The following BANK1 variants were observed in gnomAD, a reference collection of about 807,000 sequenced individuals.
The protein encoded by BANK1 is B cell scaffold protein with ankyrin repeats 1.
A neutral mutation model predicts 94.5 loss-of-function variants in BANK1; 95 were observed. The ratio of observed to expected loss-of-function variants is 1.00; its 90% CI spans 0.85 to 1.19. The LOEUF (loss-of-function observed/expected upper bound fraction) is 1.19, where lower values mean the gene tolerates loss of function less well. Ranked by LOEUF, BANK1 falls within the 50% of genes most tolerant of loss-of-function variation. The pLI is 0.00. For missense variants in BANK1, 987 were observed against 932.2 expected, an observed-to-expected ratio of 1.06 and a Z score of -0.77; for synonymous variants, 334 against 308.4, an observed-to-expected ratio of 1.08 and a Z score of -0.87.
intron 3 of BANK1, among the ~76,000 whole-genome samples, chr4:101,862,162 T>G (rs905346371): frequency 4.6e-5 from 7 of 152,152 alleles, no homozygotes; most frequent in Admixed American, 2.0e-4. Flanking sequence ...ATGATTTGGT[T>G]AACAGCTGAA....
At chr4:101,863,731 T>G (rs2148878125) in intron 4 of BANK1, among the ~76,000 whole-genome samples, 1 of 152,260 alleles carries the variant, frequency 6.6e-6, no homozygotes, top group African/African-American at 2.4e-5. Flanking sequence ...AAAAACTCTG[T>G]CTCTTTCCTT....
chr4:101,896,910 G>A (rs11934097), intron 6 of BANK1, among the ~76,000 whole-genome samples: 52,281 of 151,682 alleles, frequency 0.34, 9,312 homozygotes, highest in African/African-American at 0.39. Context: ...ATAAATTTTG[G>A]TGCATCTATT....
intron 4 of BANK1, 86 bp downstream of exon 4, chr4:101,862,750 CA>C: frequency 2.3e-6 from 3 of 1,311,916 alleles, no homozygotes; most frequent in Middle Eastern, 2.1e-4. Flanking sequence ...CACTTCCTTA[CA>C]AAAACTAATA....
chr4:101,915,565 T>C (rs916571354), intron 6 of BANK1, among the ~76,000 whole-genome samples: 1 of 152,138 alleles, frequency 6.6e-6, no homozygotes, highest in African/African-American at 2.4e-5. Context: ...CAAGTAGATG[T>C]AAATTCTAAT....
chr4:101,974,519 A>G (rs901547478), intron 7 of BANK1, among the ~76,000 whole-genome samples: 1 of 152,180 alleles, frequency 6.6e-6, no homozygotes, highest in African/African-American at 2.4e-5. Context: ...CAATGGACTG[A>G]TAATAACAAC....
intron 11 of BANK1, among the ~76,000 whole-genome samples, chr4:102,055,936 G>T (rs181986247): frequency 5.4e-4 from 82 of 151,918 alleles, no homozygotes; most frequent in African/African-American, 1.8e-3. Context: ...GAATTGAAAG[G>T]TAATCACTTG....
At chr4:102,062,943 C>T in intron 12 of BANK1, 132 bp from the exon 13 acceptor site, 1 of 642,556 alleles carries the variant, frequency 1.6e-6, no homozygotes, top group Non-Finnish European at 2.8e-6. Flanking sequence ...TCAAGGATGG[C>T]AATTGAGACA....
At chr4:102,019,088 G>A (rs1416368308) in intron 7 of BANK1, among the ~76,000 whole-genome samples, 1 of 151,966 alleles carries the variant, frequency 6.6e-6, no homozygotes. Flanking sequence ...CTGATCATCT[G>A]TTTCTTAATT....
intron 7 of BANK1, among the ~76,000 whole-genome samples, chr4:101,970,171 G>A (rs1003783339): frequency 2.0e-5 from 3 of 152,142 alleles, no homozygotes; most frequent in Admixed American, 6.6e-5. Context: ...TTCCTTCTGC[G>A]TGTCAGGCAC....
chr4:101,834,724 G>T (rs552494391), intron 2 of BANK1, among the ~76,000 whole-genome samples: 15 of 152,060 alleles, frequency 9.9e-5, no homozygotes, highest in African/African-American at 2.7e-4. Context: ...ATTCCATAAA[G>T]AAATTATACA....
At chr4:101,908,523 A>C (rs973347657) in intron 6 of BANK1, among the ~76,000 whole-genome samples, 2 of 152,252 alleles carry the variant, frequency 1.3e-5, no homozygotes, top group Non-Finnish European at 2.9e-5. Flanking sequence ...AAAACACCAA[A>C]AGCAATGGCA....
chr4:101,869,913 A>G (rs2148880720), intron 4 of BANK1, among the ~76,000 whole-genome samples: 1 of 152,102 alleles, frequency 6.6e-6, no homozygotes, highest in Admixed American at 6.6e-5. Flanking sequence ...TTCACAATGT[A>G]GTGTATCATT....
chr4:101,830,014 C>A lies in BANK1; in HGVS notation c.277C>A (p.Leu93Ile), dbSNP rs1195138027. The A allele has an allele frequency of 1.2e-6, 2 of 1,613,352 alleles. No homozygotes were observed. The highest frequency in any genetic ancestry group is 1.7e-6 in the Non-Finnish European group (2 of 1,179,728). The change falls in exon 2 of 17, where the codon CTA (leucine) becomes ATA (isoleucine). Residue 93 changes from leucine (L) to isoleucine (I), a missense_variant. Leu to Ile is a conservative substitution (Grantham distance 5). Transcript: ENST00000322953. ...ATTATCAAATAGCCTGCTTAGAGAC[C>A]TAACTCCAAAGAAATGTCAGTTTCT... Reference protein sequence around the residue: ...LILSNSLLRDLTPKKCQFLEK... With the variant: ...LILSNSLLRDITPKKCQFLEK...
intron 5 of BANK1, among the ~76,000 whole-genome samples, chr4:101,888,948 C>G (rs991471300): frequency 7.9e-5 from 12 of 152,140 alleles, no homozygotes; most frequent in Admixed American, 2.0e-4. Context: ...GTTCACACCC[C>G]TCATCAAAGA....
At chr4:101,951,918 G>A (rs1482270578) in intron 7 of BANK1, among the ~76,000 whole-genome samples, 1 of 151,890 alleles carries the variant, frequency 6.6e-6, no homozygotes, top group Non-Finnish European at 1.5e-5. Context: ...TTTGAAACTT[G>A]TTTAATCATC....
Position 101,918,142 on chromosome 4 carries a change from G to A in BANK1, c.1159G>A (p.Glu387Lys), listed in dbSNP as rs755812345. The A allele has an allele frequency of 1.3e-5, 20 of 1,599,312 alleles. No homozygotes were observed. The highest frequency in any genetic ancestry group is 1.5e-5 in the Non-Finnish European group (18 of 1,171,134). Residue 387 changes from glutamate (E) to lysine (K), a missense_variant, in exon 7 of 17, where the codon GAA becomes AAA. Coordinates refer to ENST00000322953, the MANE Select transcript of BANK1 (RefSeq NM_017935.5). ...MEGSDPAHIA[E>K]RHGHKELKKI... Reference sequence around the variant, plus strand: ...GGGTTCAGACCCCGCACATATTGCTGAAAGGCATGGTCACAAAGAACTCAA... The same window carrying A: ...GGGTTCAGACCCCGCACATATTGCTAAAAGGCATGGTCACAAAGAACTCAA...
chr4:101,897,990 A>C (rs116436233), intron 6 of BANK1, among the ~76,000 whole-genome samples: 1,659 of 151,878 alleles, frequency 0.011, 37 homozygotes, highest in African/African-American at 0.038. Context: ...TTAAAAAAAA[A>C]CTTAAAGCTA....
At chr4:102,018,622 A>G (rs758058840) in intron 7 of BANK1, among the ~76,000 whole-genome samples, 3 of 152,202 alleles carry the variant, frequency 2.0e-5, no homozygotes, top group African/African-American at 7.2e-5. Context: ...ATTCTGTGCT[A>G]CAAGGACTAT....
intron 10 of BANK1, among the ~76,000 whole-genome samples, chr4:102,040,174 T>C (rs1183807766): frequency 6.6e-6 from 1 of 152,014 alleles, no homozygotes; most frequent in East Asian, 1.9e-4. Flanking sequence ...GTAGTGCAAG[T>C]GAACTCATTA....
Sources: gnomAD v4.1 joint callset for allele counts (sites outside exome capture counted in the v4.1 genomes callset) on GRCh38, gnomAD v4.1.1 for gene constraint, MANE v1.5 for transcripts, NCBI Gene and HGNC (gene_info 2026-07-23, HGNC 2026-07-21) for gene names.